Variants in EPRS1 observed in about 807,000 individuals in gnomAD.
The protein encoded by EPRS1 is glutamyl-prolyl-tRNA synthetase 1.
Under a neutral mutation model 188.3 loss-of-function variants are expected in EPRS1, and 107 were observed. The observed-to-expected ratio is 0.57, with a 90% CI of 0.49 to 0.67. EPRS1 has a LOEUF of 0.67. Ranked by LOEUF, EPRS1 falls within the 30% of genes least tolerant of loss-of-function variation. The pLI, the probability that EPRS1 is intolerant of heterozygous loss-of-function variation, is 0.00. For missense variants in EPRS1, 1,577 were observed against 1,802.2 expected (o/e 0.88, Z 2.26); for synonymous variants, 596 against 593.1 (o/e 1.00, Z -0.07).
intron 1 of EPRS1, among the ~76,000 whole-genome samples, chr1:220,042,486 CAAAAAA>C (rs755731080): frequency 1.8e-5 from 2 of 113,446 alleles, no homozygotes; most frequent in Non-Finnish European, 3.7e-5. Flanking sequence ...CCCCATCTCC[CAAAAAA>C]AAAAAAAGAA....
chr1:219,969,905 C>T (rs1246872129), intron 30 of EPRS1, among the ~76,000 whole-genome samples: 1 of 152,164 alleles, frequency 6.6e-6, no homozygotes, highest in East Asian at 1.9e-4. Context: ...ATTGCAACCT[C>T]TGCCTCTTGG....
At chr1:220,002,798 C>T (rs375430877) in intron 16 of EPRS1, among the ~76,000 whole-genome samples, 1 of 151,926 alleles carries the variant, frequency 6.6e-6, no homozygotes, top group Non-Finnish European at 1.5e-5. Flanking sequence ...GAGGTCAAGC[C>T]GCTGCACTCA....
At chr1:219,981,317 TAAAAA>T (rs10595099) in intron 24 of EPRS1, 56 bp downstream of exon 24, 3,261 of 956,172 alleles carry the variant, frequency 3.4e-3, no homozygotes, top group South Asian at 6.8e-3. Flanking sequence ...AAATGTGCTT[TAAAAA>T]AAAAAAAAAA....
chr1:219,997,460 T>C (rs1466627630), intron 17 of EPRS1, 118 bp from the exon 18 acceptor site: 2 of 879,882 alleles, frequency 2.3e-6, no homozygotes. Context: ...ACTTTAAACT[T>C]CAATCCCTTA....
intron 30 of EPRS1, 21 bp from the exon 31 acceptor site, chr1:219,969,143 T>C: frequency 2.0e-6 from 3 of 1,514,580 alleles, no homozygotes; most frequent in South Asian, 2.3e-5. Flanking sequence ...AAAGGAAAAG[T>C]AATCAGTATT....
intron 23 of EPRS1, among the ~76,000 whole-genome samples, chr1:219,982,243 G>A (rs981620169): frequency 2.0e-5 from 3 of 152,042 alleles, no homozygotes; most frequent in Non-Finnish European, 2.9e-5. Flanking sequence ...TTTACCATAC[G>A]TAATTTCAGA....
rs71169431 is a variant in EPRS1 at position 220,038,390 on chromosome 1, C to CTTTTTTTT, written c.131+1787_131+1794dup. Among the ~76,000 whole-genome samples, 382 of 101,472 alleles carry CTTTTTTTT rather than the reference C, an allele frequency of 3.8e-3. 6 individuals carry two copies. Among genetic ancestry groups the CTTTTTTTT allele is most frequent in the Non-Finnish European group, 4.6e-3 (258 of 55,824 alleles). 66.6% of individuals were successfully genotyped at this position (101,472 alleles called of 152,430 possible). On this transcript the variant is annotated intron_variant, in intron 2 of 31. Coordinates refer to ENST00000366923, the MANE Select transcript of EPRS1 (RefSeq NM_004446.3). ...AGCCACCACACCCAGCTCAGTTTATCTTTTTTTTTTTTTTTTTTGAGACAG... is the reference window on the plus strand; with the variant it reads ...AGCCACCACACCCAGCTCAGTTTATCTTTTTTTTTTTTTTTTTTTTTTTTTTGAGACAG...
At chr1:220,011,953 G>A (rs183593820) in intron 12 of EPRS1, among the ~76,000 whole-genome samples, 17 of 152,124 alleles carry the variant, frequency 1.1e-4, no homozygotes, top group African/African-American at 3.6e-4. Flanking sequence ...GCAGAAAACA[G>A]TGGTATAATT....
chr1:220,003,104 T>C (rs1661391370), intron 16 of EPRS1, among the ~76,000 whole-genome samples: 1 of 152,228 alleles, frequency 6.6e-6, no homozygotes, highest in South Asian at 2.1e-4. Flanking sequence ...CAGCAATACA[T>C]ATGGGTTCCA....
chr1:219,979,347 T>C, intron 27 of EPRS1, 71 bp downstream of exon 27: 1 of 1,206,422 alleles, frequency 8.3e-7, no homozygotes, highest in Non-Finnish European at 1.2e-6. Flanking sequence ...AAAATCACCC[T>C]TTCAAATTTC....
intron 9 of EPRS1, 134 bp from the exon 10 acceptor site, chr1:220,020,355 T>C: frequency 1.6e-6 from 1 of 611,948 alleles, no homozygotes; most frequent in Non-Finnish European, 2.8e-6. Context: ...AAAGGTTTTA[T>C]GACTTAATAC....
intron 30 of EPRS1, among the ~76,000 whole-genome samples, chr1:219,970,574 T>A (rs1370753057): frequency 1.3e-5 from 2 of 152,006 alleles, no homozygotes. Context: ...AGGTCAGAGT[T>A]TAAGACCAGC....
chr1:219,997,252 C>T lies in EPRS1; in HGVS notation c.2272G>A (p.Ala758Thr). Residue 758 changes from alanine (A) to threonine (T), a missense_variant, in exon 18 of 32, where the codon GCT (alanine) becomes ACT (threonine). Physicochemically the swap from Ala to Thr is moderately conservative, Grantham distance 58 (BLOSUM62 0). Transcript: ENST00000366923. Reference sequence around the variant, plus strand: ...TCACGAACCACATCTCCTTGAACAGCCACTCTATTGTAAAGGACCAAGGAA... The same window carrying T: ...TCACGAACCACATCTCCTTGAACAGTCACTCTATTGTAAAGGACCAAGGAA... ...EDSLVLYNRV[A>T]VQGDVVRELK... 2.5e-6 allele frequency: 4 copies of T among 1,613,942 alleles called. No individual in the cohort carries two copies. Among genetic ancestry groups the T allele is most frequent in the Non-Finnish European group, 3.4e-6 (4 of 1,179,928 alleles).
intron 16 of EPRS1, among the ~76,000 whole-genome samples, chr1:220,002,435 T>A (rs2647447): frequency 1.3e-5 from 2 of 152,070 alleles, no homozygotes; most frequent in African/African-American, 4.8e-5. Flanking sequence ...CAAAATTATA[T>A]CTGCTATGCC....
chr1:219,972,607 C>A (rs1189114425), intron 29 of EPRS1, among the ~76,000 whole-genome samples: 2 of 152,300 alleles, frequency 1.3e-5, no homozygotes, highest in Non-Finnish European at 2.9e-5. Flanking sequence ...AGTGGGCTTT[C>A]CTCTCTGCTT....
intron 30 of EPRS1, among the ~76,000 whole-genome samples, chr1:219,971,801 T>TAC (rs986090551): frequency 6.9e-6 from 1 of 144,072 alleles, no homozygotes; most frequent in Admixed American, 6.9e-5. Context: ...TATATACATA[T>TAC]ACACACACAC....
At chr1:219,977,200 C>T (rs1385618571) in intron 28 of EPRS1, among the ~76,000 whole-genome samples, 1 of 152,144 alleles carries the variant, frequency 6.6e-6, no homozygotes, top group East Asian at 1.9e-4. Flanking sequence ...AAAAGTATAA[C>T]TAATACCTTC....
At chr1:219,982,937 T>G in intron 22 of EPRS1, 93 bp from the exon 23 acceptor site, 1 of 1,174,568 alleles carries the variant, frequency 8.5e-7, no homozygotes, top group Non-Finnish European at 1.3e-6. Context: ...TTTTAATTTT[T>G]GCTATATCAA....
chr1:220,004,835 A>T (rs1661428421), intron 16 of EPRS1, among the ~76,000 whole-genome samples: 1 of 146,504 alleles, frequency 6.8e-6, no homozygotes, highest in South Asian at 2.2e-4. Flanking sequence ...CTTCATGGTT[A>T]AAAAAAAAAA....
Sources: gnomAD v4.1 joint callset for allele counts (sites outside exome capture counted in the v4.1 genomes callset) on GRCh38, gnomAD v4.1.1 for gene constraint, MANE v1.5 for transcripts, NCBI Gene and HGNC (gene_info 2026-07-23, HGNC 2026-07-21) for gene names.